The following RBFOX1 variants were observed in gnomAD, a reference collection of about 807,000 sequenced individuals.
The protein encoded by RBFOX1 is RNA binding fox-1 homolog 1.
A neutral mutation model predicts 57.7 loss-of-function variants in RBFOX1; 8 were observed. The observed-to-expected ratio is 0.14, with a 90% CI of 0.08 to 0.25. RBFOX1 has a LOEUF of 0.25. Among genes scored for constraint, RBFOX1 ranks in the 10% least tolerant of loss-of-function variants. The pLI, the probability that RBFOX1 is intolerant of heterozygous loss-of-function variation, is 1.00. For missense variants in RBFOX1, 611 were observed against 548.5 expected, an observed-to-expected ratio of 1.11 and a Z score of -1.14; for synonymous variants, 326 against 222.4, an observed-to-expected ratio of 1.47 and a Z score of -4.15.
At chr16:5,782,881 G>A (rs1324616023) in intron 3 of RBFOX1, among the ~76,000 whole-genome samples, 1 of 152,208 alleles carries the variant, frequency 6.6e-6, no homozygotes, top group East Asian at 1.9e-4. Flanking sequence ...AAGCAGGGAT[G>A]CAAGGAAGAA....
At chr16:5,824,749 A>G (rs115050862) in intron 3 of RBFOX1, among the ~76,000 whole-genome samples, 265 of 152,312 alleles carry the variant, frequency 1.7e-3, no homozygotes, top group African/African-American at 6.2e-3. Context: ...TTTCTACATT[A>G]TAACTGCACA....
chr16:6,045,489 G>T (rs2095485898), intron 1 of RBFOX1, among the ~76,000 whole-genome samples: 1 of 152,174 alleles, frequency 6.6e-6, no homozygotes, highest in African/African-American at 2.4e-5. Flanking sequence ...CATTAATGAT[G>T]AGTCTGTTTA....
At chr16:6,630,508 C>T (rs947875783) in intron 2 of RBFOX1, among the ~76,000 whole-genome samples, 27 of 152,070 alleles carry the variant, frequency 1.8e-4, no homozygotes, top group East Asian at 9.7e-4. Flanking sequence ...GGTCTTATTT[C>T]GTACTTAAAA....
chr16:5,894,823 C>T (rs982274778), intron 4 of RBFOX1, among the ~76,000 whole-genome samples: 3 of 151,982 alleles, frequency 2.0e-5, no homozygotes, highest in African/African-American at 4.8e-5. Context: ...AGATCGAGAC[C>T]ATCTTGGCTA....
chr16:5,879,753 G>T (rs1415011923), intron 4 of RBFOX1, among the ~76,000 whole-genome samples: 3 of 152,224 alleles, frequency 2.0e-5, no homozygotes, highest in Non-Finnish European at 4.4e-5. Context: ...TGTCTGATGA[G>T]AGCTGGGGGT....
intron 5 of RBFOX1, among the ~76,000 whole-genome samples, chr16:7,530,550 T>C (rs545079319): frequency 2.0e-5 from 3 of 151,958 alleles, no homozygotes. Context: ...CTCCTGCTGC[T>C]CCTGGTGGTT....
At chr16:7,429,950 G>A (rs1042822847) in intron 4 of RBFOX1, among the ~76,000 whole-genome samples, 4 of 152,146 alleles carry the variant, frequency 2.6e-5, no homozygotes, top group Admixed American at 6.6e-5. Flanking sequence ...TGACAGTGTT[G>A]CATTGACCTA....
intron 4 of RBFOX1, among the ~76,000 whole-genome samples, chr16:6,002,590 A>C (rs1420759764): frequency 1.3e-5 from 2 of 152,174 alleles, no homozygotes; most frequent in Admixed American, 1.3e-4. Flanking sequence ...AGAACTCCAT[A>C]ATTGAGAGAA....
intron 4 of RBFOX1, among the ~76,000 whole-genome samples, chr16:7,421,052 A>T (rs948708892): frequency 4.6e-5 from 7 of 151,376 alleles, no homozygotes; most frequent in African/African-American, 1.7e-4. Flanking sequence ...ACCATACCTG[A>T]CTCTTTTGCT....
At chr16:6,752,423 G>T (rs2075094842) in intron 3 of RBFOX1, among the ~76,000 whole-genome samples, 1 of 152,100 alleles carries the variant, frequency 6.6e-6, no homozygotes, top group Admixed American at 6.6e-5. Flanking sequence ...GGAAGTGATA[G>T]CTCCATGTTT....
intron 4 of RBFOX1, among the ~76,000 whole-genome samples, chr16:7,290,669 C>G (rs770301043): frequency 1.3e-5 from 2 of 152,202 alleles, no homozygotes; most frequent in African/African-American, 4.8e-5. Flanking sequence ...AAGTGCTGTT[C>G]TAAGGTGGTG....
chr16:7,657,823 G>A (rs1324892268), intron 12 of RBFOX1, among the ~76,000 whole-genome samples: 3 of 152,216 alleles, frequency 2.0e-5, no homozygotes, highest in African/African-American at 7.2e-5. Flanking sequence ...GGAAAACCCT[G>A]TACCAAACCA....
chr16:6,051,538 A>G (rs1005407068), intron 1 of RBFOX1, among the ~76,000 whole-genome samples: 12 of 152,202 alleles, frequency 7.9e-5, no homozygotes, highest in Non-Finnish European at 1.5e-4. Context: ...CATGTTGGCC[A>G]GGTTGGTCTT....
chr16:6,903,218 G>A (rs2068907628), intron 3 of RBFOX1, among the ~76,000 whole-genome samples: 1 of 152,156 alleles, frequency 6.6e-6, no homozygotes, highest in Non-Finnish European at 1.5e-5. Flanking sequence ...GAGAGCTCAT[G>A]CAGCATTGCA....
In RBFOX1 at chr16:5,543,979, G is replaced by C. The variant is rs1052080405; in HGVS notation, c.259-54923G>C. Among the ~76,000 whole-genome samples, 32 of 152,168 alleles carry C rather than the reference G, an allele frequency of 2.1e-4. 1 individual carries two copies. The highest frequency in any genetic ancestry group is 2.0e-4 in the Admixed American group (3 of 15,274). ...AATAGTCAAATCCAGAATTATGATT[G>C]AACGTCAATACACTGCTTACAACAA... is the stretch of plus-strand genomic sequence containing the variant. On this transcript the variant is annotated intron_variant, in intron 2 of 2. Transcript: ENST00000585867.
chr16:6,026,499 T>G (rs2095197632), intron 1 of RBFOX1, among the ~76,000 whole-genome samples: 1 of 152,206 alleles, frequency 6.6e-6, no homozygotes, highest in African/African-American at 2.4e-5. Flanking sequence ...TGCTCATCAC[T>G]GTGCACATGG....
intron 4 of RBFOX1, among the ~76,000 whole-genome samples, chr16:7,315,492 A>G (rs988095285): frequency 1.4e-5 from 2 of 147,866 alleles, no homozygotes; most frequent in Non-Finnish European, 3.0e-5. Context: ...AATTTCTTTT[A>G]CAAATGTGAA....
intron 4 of RBFOX1, among the ~76,000 whole-genome samples, chr16:7,063,561 G>A (rs1378115379): frequency 3.9e-5 from 6 of 152,196 alleles, no homozygotes; most frequent in Admixed American, 3.3e-4. Flanking sequence ...AAGTGGGAAT[G>A]AGAGTTGAGA....
intron 2 of RBFOX1, among the ~76,000 whole-genome samples, chr16:5,534,880 G>T (rs1461100902): frequency 3.3e-5 from 5 of 152,154 alleles, no homozygotes; most frequent in Non-Finnish European, 5.9e-5. Context: ...ACACAAGAAA[G>T]ATGCTACAGA....
Sources: gnomAD v4.1 joint callset for allele counts (sites outside exome capture counted in the v4.1 genomes callset) on GRCh38, gnomAD v4.1.1 for gene constraint, MANE v1.5 for transcripts, NCBI Gene and HGNC (gene_info 2026-07-23, HGNC 2026-07-21) for gene names.